The following CCAR1 variants were observed in gnomAD, a reference collection of about 807,000 sequenced individuals.
CCAR1 encodes cell division cycle and apoptosis regulator 1.
Under a neutral mutation model 163.8 loss-of-function variants are expected in CCAR1, and 78 were observed. The ratio of observed to expected loss-of-function variants is 0.48; its 90% CI spans 0.40 to 0.57. The LOEUF (loss-of-function observed/expected upper bound fraction) is 0.57, where lower values mean the gene tolerates loss of function less well. CCAR1 is among the 20% of genes least tolerant of loss of function. The pLI is 0.00. For synonymous variants in CCAR1, 443 were observed against 460.7 expected (o/e 0.96, Z 0.49); for missense variants, 1,019 against 1,365.2 (o/e 0.75, Z 4.00).
Position 68,766,098 on chromosome 10 carries a change from A to G in CCAR1, c.2298+19A>G. ...ATTTGAGGTAATGTTTTAAGTTTGA[A>G]ATAAGATCCATATAAGGTCCACACA... On this transcript the variant is annotated intron_variant, in intron 17 of 24. Coordinates refer to ENST00000265872, the MANE Select transcript of CCAR1 (RefSeq NM_018237.4). 6.7e-7 allele frequency: 1 copy of G among 1,489,652 alleles called. No homozygotes were observed. Among genetic ancestry groups the G allele is most frequent in the Non-Finnish European group, 9.4e-7 (1 of 1,067,868 alleles). 92.3% of individuals were successfully genotyped at this position (1,489,652 alleles called of 1,614,324 possible). A position where few individuals can be genotyped will look rare whatever the true frequency, so the allele number is the denominator to read the frequency against.
chr10:68,765,425 G>C (rs577602683), intron 16 of CCAR1, among the ~76,000 whole-genome samples: 93 of 152,242 alleles, frequency 6.1e-4, no homozygotes, highest in Non-Finnish European at 1.1e-3. Context: ...TAACACATGG[G>C]TCTTTTGGCC....
intron 7 of CCAR1, 34 bp from the exon 8 acceptor site, chr10:68,747,339 AT>A (rs3216071): frequency 4.4e-6 from 7 of 1,599,070 alleles, no homozygotes; most frequent in South Asian, 2.2e-5. Flanking sequence ...ATTCACAAAG[AT>A]TTTTTTTCTT....
chr10:68,726,113 T>TAAAA (rs747643778), intron 2 of CCAR1, among the ~76,000 whole-genome samples: 1 of 93,644 alleles, frequency 1.1e-5, no homozygotes, highest in African/African-American at 4.0e-5. Context: ...GACCCTGTCC[T>TAAAA]AAAAAAAAAA....
chr10:68,760,370 T>C (rs191068923), intron 15 of CCAR1, among the ~76,000 whole-genome samples: 9 of 152,268 alleles, frequency 5.9e-5, no homozygotes, highest in Admixed American at 4.6e-4. Flanking sequence ...AGTAAATCTA[T>C]AGTTTTGTGG....
At chr10:68,790,857 T>C in intron 24 of CCAR1, among the ~76,000 whole-genome samples, 1 of 147,886 alleles carries the variant, frequency 6.8e-6, no homozygotes, top group Non-Finnish European at 1.5e-5. Context: ...ACTGCGAGAC[T>C]CTGTCTCAAA....
In CCAR1 at chr10:68,789,826, A is replaced by G. The variant is rs1440145337; in HGVS notation, c.3304A>G (p.Asn1102Asp). 1 of 1,608,742 alleles carries G rather than the reference A, an allele frequency of 6.2e-7. No individual in the cohort carries two copies. Among genetic ancestry groups the G allele is most frequent in the East Asian group, 2.2e-5 (1 of 44,730 alleles). Reference sequence around the variant, plus strand: ...ACAAGAAAACTTAAAGATTTCGGAAAACATGAATTTACAATTTGAAAACCA... The same window carrying G: ...ACAAGAAAACTTAAAGATTTCGGAAGACATGAATTTACAATTTGAAAACCA... ...QLQENLKISE[N>D]MNLQFENQMN... Residue 1102 changes from asparagine to aspartate, a missense_variant, in exon 24 of 25, where the codon AAC becomes GAC. By Grantham distance (23) the Asn-to-Asp change is conservative. This residue lies in a region of CCAR1 where 358 missense variants were observed against 406.4 expected (regional missense o/e 0.88). Coordinates refer to ENST00000265872, the MANE Select transcript of CCAR1 (RefSeq NM_018237.4).
At chr10:68,773,753 C>T (rs1312092967) in intron 19 of CCAR1, among the ~76,000 whole-genome samples, 1 of 152,082 alleles carries the variant, frequency 6.6e-6, no homozygotes, top group Non-Finnish European at 1.5e-5. Flanking sequence ...ACTGTATTAC[C>T]CAGGCTGGAG....
At chr10:68,730,847 T>C (rs1473050933) in intron 2 of CCAR1, among the ~76,000 whole-genome samples, 1 of 152,020 alleles carries the variant, frequency 6.6e-6, no homozygotes, top group African/African-American at 2.4e-5. Flanking sequence ...TGCGTCACCA[T>C]GTACTACCAA....
intron 21 of CCAR1, 183 bp downstream of exon 21, chr10:68,786,875 A>G (rs562791726): frequency 6.4e-6 from 3 of 466,466 alleles, no homozygotes; most frequent in Admixed American, 4.5e-5. Flanking sequence ...AGTTGAGGCC[A>G]GGAGTTTAAG....
chr10:68,727,479 A>G (rs754925174), intron 2 of CCAR1, among the ~76,000 whole-genome samples: 1 of 152,098 alleles, frequency 6.6e-6, no homozygotes, highest in African/African-American at 2.4e-5. Flanking sequence ...GGTTCATTTT[A>G]TCTTCTATTT....
intron 4 of CCAR1, among the ~76,000 whole-genome samples, chr10:68,739,449 T>C (rs1028445273): frequency 6.6e-6 from 1 of 152,130 alleles, no homozygotes; most frequent in African/African-American, 2.4e-5. Context: ...GCGCCCAGCC[T>C]CATTCTTTTT....
Position 68,747,145 on chromosome 10 carries a change from C to CTTTT in CCAR1, c.519-8_519-5dup. The CTTTT allele has an allele frequency of 9.2e-7, 1 of 1,089,136 alleles. No homozygotes were observed. The highest frequency in any genetic ancestry group is 1.3e-6 in the Non-Finnish European group (1 of 784,916). The allele number at this position is 1,089,136 out of a possible 1,614,324, so 67.5% of individuals were successfully genotyped here. A position where few individuals can be genotyped will look rare whatever the true frequency, so the allele number is the denominator to read the frequency against. The stretch of plus-strand genomic sequence containing the variant: ...TGTATTTATATTTAACTTTTTTTTT[C>CTTTT]TTTTTTTTTTTACAGTGCTGTCAAA... On this transcript the variant is annotated splice_polypyrimidine_tract_variant and intron_variant, in intron 6 of 24. Transcript: ENST00000265872.
At chr10:68,724,970 C>T (rs1417420793) in intron 2 of CCAR1, among the ~76,000 whole-genome samples, 2 of 152,028 alleles carry the variant, frequency 1.3e-5, no homozygotes, top group African/African-American at 4.8e-5. Context: ...GAAACCCCGT[C>T]TCTACTAAAA....
At chr10:68,782,836 G>A (rs1255379613) in intron 19 of CCAR1, among the ~76,000 whole-genome samples, 1 of 152,064 alleles carries the variant, frequency 6.6e-6, no homozygotes, top group African/African-American at 2.4e-5. Context: ...TAAGCCCGCT[G>A]TTGAGATCTG....
intron 3 of CCAR1, among the ~76,000 whole-genome samples, chr10:68,737,471 C>T (rs1302987808): frequency 7.3e-6 from 1 of 137,702 alleles, no homozygotes; most frequent in East Asian, 2.1e-4. Flanking sequence ...CCACTGCACT[C>T]TGGGAGGCAG....
chr10:68,755,194 T>C, intron 12 of CCAR1, 176 bp from the exon 13 acceptor site: 1 of 765,058 alleles, frequency 1.3e-6, no homozygotes, highest in Non-Finnish European at 2.4e-6. Context: ...GTGTAAATCC[T>C]ATTCCATTGC....
intron 21 of CCAR1, 160 bp downstream of exon 21, chr10:68,786,852 A>G: frequency 3.7e-6 from 2 of 546,952 alleles, no homozygotes. Context: ...TGGGAGGCTG[A>G]GGCGGGCAGA....
At chr10:68,729,694 C>G (rs2056006280) in intron 2 of CCAR1, among the ~76,000 whole-genome samples, 1 of 116,476 alleles carries the variant, frequency 8.6e-6, no homozygotes, top group Non-Finnish European at 1.8e-5. Context: ...TTGAGCAAAA[C>G]TCCGTCTTAA....
chr10:68,740,928 T>A (rs1174044023), intron 5 of CCAR1, among the ~76,000 whole-genome samples: 1 of 149,308 alleles, frequency 6.7e-6, no homozygotes, highest in Non-Finnish European at 1.5e-5. Context: ...TATTTATTTA[T>A]TTTGAGGCAG....
Sources: gnomAD v4.1 joint callset for allele counts (sites outside exome capture counted in the v4.1 genomes callset) on GRCh38, gnomAD v4.1.1 for gene constraint, gnomAD v4.1.1 regional missense constraint, MANE v1.5 for transcripts, NCBI Gene and HGNC (gene_info 2026-07-23, HGNC 2026-07-21) for gene names.